Variants in LCORL observed in about 807,000 individuals in gnomAD.
LCORL encodes ligand-dependent nuclear receptor corepressor-like protein.
A neutral mutation model predicts 141.8 loss-of-function variants in LCORL; 41 were observed. That is an observed-to-expected ratio of 0.29 (90% CI 0.23 to 0.38). The LOEUF is 0.38. Ranked by LOEUF, LCORL falls within the 10% of genes least tolerant of loss-of-function variation. The pLI is 1.00. For synonymous variants in LCORL, 618 were observed against 694.1 expected (o/e 0.89, Z 1.72); for missense variants, 1,759 against 2,035.0 (o/e 0.86, Z 2.61).
intron 1 of LCORL, among the ~76,000 whole-genome samples, chr4:18,002,362 T>C (rs1722115373): frequency 6.6e-6 from 1 of 151,684 alleles, no homozygotes; most frequent in Admixed American, 6.6e-5. Flanking sequence ...GCATTTCATA[T>C]ACAAGGTGCT....
intron 7 of LCORL, among the ~76,000 whole-genome samples, chr4:17,860,168 A>C (rs1258861923): frequency 1.3e-5 from 2 of 152,242 alleles, no homozygotes. Context: ...CTAAATAAAA[A>C]GAACAAAGCT....
At chr4:17,975,131 TTA>T (rs1254101751) in intron 1 of LCORL, among the ~76,000 whole-genome samples, 1 of 152,090 alleles carries the variant, frequency 6.6e-6, no homozygotes, top group Non-Finnish European at 1.5e-5. Flanking sequence ...TCACTGAAAC[TTA>T]TTTTTCTAAG....
intron 7 of LCORL, among the ~76,000 whole-genome samples, chr4:17,848,042 A>G (rs1277086689): frequency 6.6e-6 from 1 of 152,196 alleles, no homozygotes; most frequent in African/African-American, 2.4e-5. Context: ...TTAATAAACT[A>G]CATGATTTTC....
intron 7 of LCORL, among the ~76,000 whole-genome samples, chr4:17,856,922 T>C (rs1480243296): frequency 1.3e-5 from 2 of 152,218 alleles, no homozygotes; most frequent in Non-Finnish European, 2.9e-5. Flanking sequence ...TATCACTGCT[T>C]TGTTTTCTAT....
At chr4:17,910,988 A>G (rs931162162) in intron 4 of LCORL, among the ~76,000 whole-genome samples, 5 of 152,216 alleles carry the variant, frequency 3.3e-5, no homozygotes, top group South Asian at 2.1e-4. Context: ...CAGTGGCGTA[A>G]AAGACCTAGC....
At chr4:17,970,600 A>G (rs1179149273) in intron 2 of LCORL, among the ~76,000 whole-genome samples, 2 of 152,218 alleles carry the variant, frequency 1.3e-5, no homozygotes, top group Non-Finnish European at 2.9e-5. Flanking sequence ...CAGGAGCCCA[A>G]GGGCTTCAAT....
intron 7 of LCORL, among the ~76,000 whole-genome samples, chr4:17,846,522 T>C (rs774360811): frequency 2.0e-5 from 3 of 152,156 alleles, no homozygotes; most frequent in East Asian, 1.9e-4. Context: ...ATTAAACTTA[T>C]GGCCAGCTCA....
At chr4:17,892,560 T>TTG (rs1176432129) in intron 5 of LCORL, among the ~76,000 whole-genome samples, 2 of 152,188 alleles carry the variant, frequency 1.3e-5, no homozygotes, top group East Asian at 3.8e-4. Context: ...GTGTTTTGTT[T>TTG]TGTATATATA....
At chr4:17,903,722 A>G (rs1290573045) in intron 5 of LCORL, among the ~76,000 whole-genome samples, 1 of 152,034 alleles carries the variant, frequency 6.6e-6, no homozygotes, top group African/African-American at 2.4e-5. Flanking sequence ...GAAAATAGGC[A>G]TGTTTTCCTC....
intron 7 of LCORL, among the ~76,000 whole-genome samples, chr4:17,846,326 T>C (rs1722931990): frequency 6.6e-6 from 1 of 152,154 alleles, no homozygotes; most frequent in African/African-American, 2.4e-5. Context: ...TCATCTGAAT[T>C]TTGCAAAAGC....
chr4:17,981,110 G>A (rs896403047), intron 1 of LCORL, among the ~76,000 whole-genome samples: 1 of 152,068 alleles, frequency 6.6e-6, no homozygotes, highest in Non-Finnish European at 1.5e-5. Context: ...TTTCCCTACT[G>A]AAAGCTATAT....
chr4:17,962,548 T>C (rs1311099048), intron 3 of LCORL, among the ~76,000 whole-genome samples: 1 of 152,034 alleles, frequency 6.6e-6, no homozygotes, highest in Non-Finnish European at 1.5e-5. Flanking sequence ...ATAATTATGA[T>C]ATCCAAAAGA....
Position 18,021,593 on chromosome 4 carries a change from C to G in LCORL, c.154+5G>C. On this transcript the variant is annotated splice_donor_5th_base_variant and intron_variant, in intron 1 of 7. Transcript: ENST00000635767. This position sits in a 1 kb window ranked among gnomAD's most constrained non-coding sequence, Gnocchi z 5.5. ...GCCCGGGGCCCCGGCCCGCGTCTCT[C>G]TTACCTACACAGTGCATGAGGCGGT... The G allele has an allele frequency of 6.5e-7, 1 of 1,530,402 alleles. No individual in the cohort carries two copies. Among genetic ancestry groups the G allele is most frequent in the Non-Finnish European group, 8.8e-7 (1 of 1,138,992 alleles). 94.8% of individuals were successfully genotyped at this position (1,530,402 alleles called of 1,614,324 possible). A position where few individuals can be genotyped will look rare whatever the true frequency, so the allele number is the denominator to read the frequency against.
chr4:17,941,796 G>A (rs1445399198), intron 4 of LCORL, among the ~76,000 whole-genome samples: 2 of 151,692 alleles, frequency 1.3e-5, no homozygotes, highest in Non-Finnish European at 2.9e-5. Context: ...AGTCTGAGTT[G>A]TAGTGGAAAT....
chr4:17,941,479 T>C (rs1199387126), intron 4 of LCORL, among the ~76,000 whole-genome samples: 1 of 151,832 alleles, frequency 6.6e-6, no homozygotes, highest in African/African-American at 2.4e-5. Flanking sequence ...AAATCATTGA[T>C]AACCACCATA....
Position 17,973,902 on chromosome 4 carries a change from C to A in LCORL, c.155-1017G>T, listed in dbSNP as rs534340389. On this transcript the variant is annotated intron_variant, in intron 1 of 7. Transcript: ENST00000635767. ...AAACATGAACTACTGATGCATCCTA[C>A]AACTAATAATGTCTTAGATTTCACA... Among the ~76,000 whole-genome samples the A allele has an allele frequency of 4.6e-5, 7 of 152,148 alleles. No homozygotes were observed. The East Asian group carries it at 1.2e-3, about 25-fold the overall frequency.
intron 6 of LCORL, chr4:17,881,658 A>G: frequency 4.2e-6 from 4 of 960,936 alleles, no homozygotes; most frequent in Non-Finnish European, 5.0e-6. Context: ...GTGTTCTGTA[A>G]GTTTCCCTTT....
intron 4 of LCORL, among the ~76,000 whole-genome samples, chr4:17,954,397 G>A (rs546022589): frequency 2.0e-5 from 3 of 152,182 alleles, no homozygotes; most frequent in Non-Finnish European, 4.4e-5. Context: ...CAAAAAGTCA[G>A]TAAGTATTCA....
chr4:18,013,341 G>C (rs1245357588), intron 1 of LCORL, among the ~76,000 whole-genome samples: 1 of 152,120 alleles, frequency 6.6e-6, no homozygotes, highest in Non-Finnish European at 1.5e-5. Context: ...TTATACTCTA[G>C]ATATACTGTC....
Sources: allele counts gnomAD v4.1 joint callset (sites outside exome capture counted in the v4.1 genomes callset), GRCh38; gene constraint gnomAD v4.1.1; non-coding constraint Gnocchi (gnomAD v3.1); transcripts MANE v1.5; gene names NCBI Gene and HGNC (gene_info 2026-07-23, HGNC 2026-07-21).